The following TAB2 variants were observed in gnomAD, a reference collection of about 807,000 sequenced individuals.
TAB2 encodes the protein TGF-beta activated kinase 1 (MAP3K7) binding protein 2, also known as TGF-beta-activated kinase 1 and MAP3K7-binding protein 2.
TAB2 carries 3 observed loss-of-function variants against 65.0 expected under a neutral mutation model. That is an observed-to-expected ratio of 0.05 (90% CI 0.02 to 0.12). The LOEUF (loss-of-function observed/expected upper bound fraction) is 0.12, where lower values mean the gene tolerates loss of function less well. Among genes scored for constraint, TAB2 ranks in the 10% least tolerant of loss-of-function variants. The pLI is 1.00. For missense variants in TAB2, 623 were observed against 840.3 expected, an observed-to-expected ratio of 0.74 and a Z score of 3.20; for synonymous variants, 298 against 285.1, an observed-to-expected ratio of 1.05 and a Z score of -0.46.
intron 1 of TAB2, among the ~76,000 whole-genome samples, 184 bp downstream of exon 1, chr6:149,318,199 G>A (rs2114720520): frequency 6.6e-6 from 1 of 152,178 alleles, no homozygotes; most frequent in South Asian, 2.1e-4. Context: ...TGGCGGAGAG[G>A]GAGGCCCCCC....
intron 1 of TAB2, among the ~76,000 whole-genome samples, chr6:149,336,167 C>A (rs550767561): frequency 7.9e-5 from 12 of 152,238 alleles, no homozygotes; most frequent in African/African-American, 2.9e-4. Flanking sequence ...TAGTGCTTAA[C>A]CAATATGTTT....
chr6:149,378,820 G>A lies in TAB2; in HGVS notation c.905G>A (p.Gly302Asp). The change falls in exon 3 of 7, where the codon GGT becomes GAT. Residue 302 changes from glycine to aspartate, a missense_variant. By Grantham distance (94) the Gly-to-Asp change is moderately conservative (BLOSUM62 -1). Around this residue, in one of 3 missense-constraint regions of TAB2, gnomAD observed 550 missense variants for 665.7 expected, o/e 0.83. Coordinates refer to ENST00000637181, the MANE Select transcript of TAB2 (RefSeq NM_001292034.3). ...CAACCACCAACCATTCATTCATCTG[G>A]TAGCTCACAGTCTTCTGCCCATAGC... ...TSQPPTIHSSGSSQSSAHSQY... is the reference protein window; with the variant it reads ...TSQPPTIHSSDSSQSSAHSQY... The A allele has an allele frequency of 6.2e-7, 1 of 1,614,044 alleles. No homozygotes were observed. The highest frequency in any genetic ancestry group is 1.1e-5 in the South Asian group (1 of 91,070).
intron 1 of TAB2, among the ~76,000 whole-genome samples, chr6:149,332,079 G>T (rs558565910): frequency 1.1e-4 from 17 of 152,216 alleles, no homozygotes; most frequent in African/African-American, 3.6e-4. Context: ...GATTTTTGGC[G>T]CAAGCAATTG....
intron 1 of TAB2, among the ~76,000 whole-genome samples, chr6:149,341,974 C>T (rs146829161): frequency 7.6e-4 from 116 of 151,740 alleles, no homozygotes; most frequent in Middle Eastern, 3.4e-3. Context: ...TTCATAATAT[C>T]CTATTATTTC....
intron 1 of TAB2, among the ~76,000 whole-genome samples, chr6:149,274,733 C>T (rs1297965135): frequency 2.6e-5 from 4 of 152,208 alleles, no homozygotes; most frequent in African/African-American, 4.8e-5. Flanking sequence ...CAAGGCAATG[C>T]TTCTGGAAGG....
chr6:149,388,802 TTTAG>T (rs1349598931), intron 3 of TAB2, among the ~76,000 whole-genome samples: 55 of 152,124 alleles, frequency 3.6e-4, no homozygotes, highest in African/African-American at 1.1e-3. Flanking sequence ...GTTACTACCT[TTTAG>T]TTAGTCAATA....
At chr6:149,351,057 G>A (rs1473477089) in intron 1 of TAB2, among the ~76,000 whole-genome samples, 4 of 151,870 alleles carry the variant, frequency 2.6e-5, no homozygotes, top group South Asian at 2.1e-4. Context: ...CAGGTGACAC[G>A]ATCCCCAGAA....
intron 1 of TAB2, among the ~76,000 whole-genome samples, chr6:149,332,377 T>G (rs1247741185): frequency 1.3e-5 from 2 of 152,190 alleles, no homozygotes; most frequent in African/African-American, 4.8e-5. Flanking sequence ...AATTTCAGAT[T>G]TATTAGCAAA....
chr6:149,388,926 A>G (rs1781889622), intron 3 of TAB2, among the ~76,000 whole-genome samples: 1 of 150,962 alleles, frequency 6.6e-6, no homozygotes, highest in Non-Finnish European at 1.5e-5. Context: ...TCCATATTCC[A>G]AGATTTTGAA....
At chr6:149,379,598 G>A in intron 3 of TAB2, 80 bp downstream of exon 3, 2 of 1,324,894 alleles carry the variant, frequency 1.5e-6, no homozygotes, top group Non-Finnish European at 2.2e-6. Flanking sequence ...AGAAATGGAT[G>A]TTAGCATTGT....
At chr6:149,248,572 C>T (rs1200850159) in intron 1 of TAB2, among the ~76,000 whole-genome samples, 1 of 152,040 alleles carries the variant, frequency 6.6e-6, no homozygotes, top group Non-Finnish European at 1.5e-5. Flanking sequence ...AGTCTCCCCA[C>T]TGGCCAGCAC....
At chr6:149,357,334 T>G (rs1465791805) in intron 1 of TAB2, among the ~76,000 whole-genome samples, 1 of 150,832 alleles carries the variant, frequency 6.6e-6, no homozygotes, top group Non-Finnish European at 1.5e-5. Context: ...GAGAATCACT[T>G]GAACCCAGGA....
At chr6:149,403,100 G>A (rs568474604) in intron 6 of TAB2, among the ~76,000 whole-genome samples, 44 of 151,170 alleles carry the variant, frequency 2.9e-4, no homozygotes, top group Non-Finnish European at 5.8e-4. Flanking sequence ...CTGGCTTGGC[G>A]GCCCATGCCT....
intron 6 of TAB2, among the ~76,000 whole-genome samples, chr6:149,403,711 CT>C (rs773706554): frequency 3.3e-5 from 5 of 151,994 alleles, no homozygotes; most frequent in Admixed American, 2.0e-4. Context: ...CTTCAGGGAA[CT>C]TTTATTCATG....
chr6:149,251,581 C>T (rs549402884), intron 1 of TAB2, among the ~76,000 whole-genome samples: 8 of 152,276 alleles, frequency 5.3e-5, no homozygotes, highest in Non-Finnish European at 7.4e-5. Context: ...GTTCCACACA[C>T]GAGTCCTGTC....
At chr6:149,299,600 C>G (rs1458499365) in intron 1 of TAB2, among the ~76,000 whole-genome samples, 1 of 152,120 alleles carries the variant, frequency 6.6e-6, no homozygotes. Context: ...TAATTCACAT[C>G]AGAAAGAAAG....
At chr6:149,283,802 G>A (rs149626039) in intron 1 of TAB2, among the ~76,000 whole-genome samples, 5 of 152,104 alleles carry the variant, frequency 3.3e-5, no homozygotes, top group African/African-American at 1.2e-4. Context: ...GTTGAATAGG[G>A]CTGGGTAGGG....
chr6:149,230,287 A>C (rs1379256940), intron 1 of TAB2: 1 of 152,246 alleles, frequency 6.6e-6, no homozygotes, highest in Non-Finnish European at 1.5e-5. Context: ...TCTATATGCT[A>C]GTCAGGACAC....
At chr6:149,232,381 C>A (rs934293204) in intron 1 of TAB2, among the ~76,000 whole-genome samples, 1 of 152,196 alleles carries the variant, frequency 6.6e-6, no homozygotes, top group African/African-American at 2.4e-5. Flanking sequence ...GCACACAACA[C>A]CACGCCCAGC....
Sources: allele counts gnomAD v4.1 joint callset (sites outside exome capture counted in the v4.1 genomes callset), GRCh38; gene constraint gnomAD v4.1.1; regional missense constraint gnomAD v4.1.1; transcripts MANE v1.5; gene names NCBI Gene and HGNC (gene_info 2026-07-23, HGNC 2026-07-21).